The following STMN4 variants were observed in gnomAD, a reference collection of about 807,000 sequenced individuals.
The protein encoded by STMN4 is stathmin 4, also known as stathmin-4.
Under a neutral mutation model 29.1 loss-of-function variants are expected in STMN4, and 12 were observed. The observed-to-expected ratio is 0.41, with a 90% CI of 0.26 to 0.67. The LOEUF is 0.67. STMN4 is among the 30% of genes least tolerant of loss of function. The pLI, the probability that STMN4 is intolerant of heterozygous loss-of-function variation, is 0.30. For synonymous variants in STMN4, 114 were observed against 105.3 expected, an observed-to-expected ratio of 1.08 and a Z score of -0.51; for missense variants, 181 against 262.8, an observed-to-expected ratio of 0.69 and a Z score of 2.15.
intron 1 of STMN4, among the ~76,000 whole-genome samples, chr8:27,256,584 C>T (rs73563944): frequency 0.01 from 1,531 of 151,942 alleles, 16 homozygotes; most frequent in Middle Eastern, 0.054. Context: ...CAGATACAGA[C>T]ATATATGTAC....
intron 6 of STMN4, among the ~76,000 whole-genome samples, chr8:27,237,778 G>A (rs1801351353): frequency 1.3e-5 from 2 of 152,230 alleles, no homozygotes; most frequent in Non-Finnish European, 2.9e-5. Flanking sequence ...GAAGGGCATA[G>A]ACAGGTGGTC....
At chr8:27,256,360 T>C (rs556522217) in intron 1 of STMN4, among the ~76,000 whole-genome samples, 69 of 152,262 alleles carry the variant, frequency 4.5e-4, no homozygotes, top group African/African-American at 1.6e-3. Context: ...GTTATGTGTA[T>C]TTACCGCAGT....
intron 4 of STMN4, 114 bp from the exon 5 acceptor site, chr8:27,241,376 A>AC: frequency 7.8e-7 from 1 of 1,284,176 alleles, no homozygotes; most frequent in Non-Finnish European, 1.1e-6. Flanking sequence ...CAAGCTGGAG[A>AC]CTGGGGTCTG....
intron 3 of STMN4, 58 bp downstream of exon 3, chr8:27,242,339 T>C (rs944072285): frequency 1.3e-6 from 2 of 1,550,566 alleles, no homozygotes; most frequent in African/African-American, 2.7e-5. Context: ...GCAGGACCTA[T>C]GAGGACAGGA....
intron 6 of STMN4, 198 bp downstream of exon 6, chr8:27,239,771 CCT>C: frequency 6.6e-7 from 1 of 1,520,118 alleles, no homozygotes; most frequent in South Asian, 1.2e-5. Context: ...CCAAGGAAAC[CCT>C]GAGTCTGGTT....
intron 3 of STMN4, 74 bp downstream of exon 3, chr8:27,242,323 C>G (rs1267980102): frequency 7.2e-7 from 1 of 1,397,350 alleles, no homozygotes; most frequent in East Asian, 2.3e-5. Context: ...GGACTGGGGT[C>G]GGGGTGCAGG....
intron 2 of STMN4, among the ~76,000 whole-genome samples, chr8:27,243,077 C>A (rs996998845): frequency 6.6e-6 from 1 of 152,188 alleles, no homozygotes; most frequent in African/African-American, 2.4e-5. Context: ...ATATCCCCGC[C>A]ACCCTCTAGT....
chr8:27,245,312 C>T (rs1387072434), intron 1 of STMN4, among the ~76,000 whole-genome samples: 2 of 152,228 alleles, frequency 1.3e-5, no homozygotes, highest in Non-Finnish European at 2.9e-5. Flanking sequence ...CCTCTGGACC[C>T]ACAAGTAAGG....
intron 3 of STMN4, 37 bp downstream of exon 3, chr8:27,242,360 C>A: frequency 6.2e-7 from 1 of 1,601,974 alleles, no homozygotes; most frequent in African/African-American, 1.3e-5. Context: ...CACAGGGCCC[C>A]CCCGCCCCTC....
At chr8:27,239,188 G>A (rs1801394136) in intron 6 of STMN4, 4 of 1,531,144 alleles carry the variant, frequency 2.6e-6, no homozygotes, top group Middle Eastern at 1.7e-4. Flanking sequence ...GAGACTCTAG[G>A]TGGATGGGCA....
At chr8:27,250,061 T>C (rs1273230945) in intron 1 of STMN4, among the ~76,000 whole-genome samples, 1 of 152,222 alleles carries the variant, frequency 6.6e-6, no homozygotes, top group Admixed American at 6.5e-5. Context: ...GGGCAATGAA[T>C]TCTGCCTGAG....
intron 4 of STMN4, 127 bp downstream of exon 4, chr8:27,241,550 T>A: frequency 8.2e-7 from 1 of 1,214,472 alleles, no homozygotes; most frequent in Non-Finnish European, 1.2e-6. Flanking sequence ...CAGCCTCCTC[T>A]GACTGCTGAG....
intron 1 of STMN4, among the ~76,000 whole-genome samples, chr8:27,244,334 T>A (rs1246236883): frequency 6.6e-6 from 1 of 152,208 alleles, no homozygotes; most frequent in Non-Finnish European, 1.5e-5. Flanking sequence ...CCAAGACGAC[T>A]GACCTAAGCT....
rs1415496768 is a variant in STMN4, at chr8:27,243,730, G to A, written c.-7C>T. On this transcript the variant is annotated 5_prime_UTR_variant, in exon 2 of 7. Transcript: ENST00000350889. ...ACCTACCAGCAAGGGTCATGTTTCTGGGATCTGGTGGCTGAATCTAGCTGA... is the reference window on the plus strand; with the variant it reads ...ACCTACCAGCAAGGGTCATGTTTCTAGGATCTGGTGGCTGAATCTAGCTGA... The A allele has an allele frequency of 1.9e-6, 3 of 1,614,074 alleles. No individual in the cohort carries two copies. The African/African-American group carries it at 4.0e-5, about 22-fold the overall frequency.
intron 6 of STMN4, 132 bp from the exon 7 acceptor site, chr8:27,237,037 A>G: frequency 1.1e-6 from 1 of 894,048 alleles, no homozygotes; most frequent in South Asian, 1.9e-5. Flanking sequence ...CTGCAAAGGC[A>G]TCCCGAGAGG....
intron 1 of STMN4, among the ~76,000 whole-genome samples, chr8:27,249,680 A>G (rs1801729024): frequency 6.6e-6 from 1 of 152,170 alleles, no homozygotes; most frequent in Non-Finnish European, 1.5e-5. Context: ...GATACACAGA[A>G]GGGAGACCCC....
chr8:27,253,478 C>T (rs1474384469), intron 1 of STMN4, among the ~76,000 whole-genome samples: 4 of 152,132 alleles, frequency 2.6e-5, no homozygotes, highest in Non-Finnish European at 4.4e-5. Context: ...TCTGGATTAT[C>T]GTTATTGAGT....
intron 1 of STMN4, among the ~76,000 whole-genome samples, chr8:27,247,254 C>CAAACA (rs1801651787): frequency 9.3e-6 from 1 of 107,806 alleles, no homozygotes; most frequent in African/African-American, 3.7e-5. Flanking sequence ...GACTTTGTCT[C>CAAACA]AAAAAAAAAA....
intron 2 of STMN4, 33 bp from the exon 3 acceptor site, chr8:27,242,525 C>G (rs1249162249): frequency 3.1e-6 from 5 of 1,604,350 alleles, no homozygotes; most frequent in Non-Finnish European, 3.4e-6. Flanking sequence ...GAGGATGGCG[C>G]CTCTCCTAGC....
Sources: allele counts gnomAD v4.1 joint callset (sites outside exome capture counted in the v4.1 genomes callset), GRCh38; gene constraint gnomAD v4.1.1; transcripts MANE v1.5; gene names NCBI Gene and HGNC (gene_info 2026-07-23, HGNC 2026-07-21).